Variants in DNAH7 observed in about 807,000 individuals in gnomAD.
DNAH7 encodes dynein axonemal heavy chain 7.
A neutral mutation model predicts 444.6 loss-of-function variants in DNAH7; 397 were observed. The ratio of observed to expected loss-of-function variants is 0.89; its 90% CI spans 0.82 to 0.97. DNAH7 has a LOEUF of 0.97. Ranked by LOEUF, DNAH7 falls within the 50% of genes least tolerant of loss-of-function variation. DNAH7 has a pLI of 0.00. For missense variants in DNAH7, 4,902 were observed against 4,800.8 expected (o/e 1.02, Z -0.62); for synonymous variants, 1,636 against 1,624.4 (o/e 1.01, Z -0.17).
At chr2:195,832,994 G>A (rs1471506981) in intron 48 of DNAH7, among the ~76,000 whole-genome samples, 2 of 152,228 alleles carry the variant, frequency 1.3e-5, no homozygotes, top group Admixed American at 1.3e-4. Flanking sequence ...TCTCAGGAAG[G>A]TCACTGAAGC....
At chr2:195,801,511 T>G (rs1696455117) in intron 54 of DNAH7, among the ~76,000 whole-genome samples, 1 of 152,142 alleles carries the variant, frequency 6.6e-6, no homozygotes, top group East Asian at 1.9e-4. Context: ...AAAGATTTTT[T>G]GAAGGCCCCA....
chr2:195,872,600 A>G, intron 39 of DNAH7, 131 bp from the exon 40 acceptor site: 2 of 486,396 alleles, frequency 4.1e-6, no homozygotes, highest in Non-Finnish European at 3.5e-6. Flanking sequence ...TAAAATTACC[A>G]TATCTTATTA....
rs1465305630 is a variant in DNAH7, at chr2:195,886,157, G to A, written c.5522C>T (p.Thr1841Ile). The A allele has an allele frequency of 2.5e-6, 4 of 1,613,196 alleles. No individual in the cohort carries two copies. Among genetic ancestry groups the A allele is most frequent in the African/African-American group, 1.3e-5 (1 of 74,862 alleles). The change falls in exon 34 of 65, where the codon ACT becomes ATT. Residue 1841 changes from threonine (T) to isoleucine (I), a missense_variant. Transcript: ENST00000312428. ...VKLKERNDRETYSLLEGIFLF... is the reference protein window; with the variant it reads ...VKLKERNDREIYSLLEGIFLF... ...GGACCTTACCTCAAGCAAAGAGTAA[G>A]TTTCTCGATCATTTCTCTCCTTTAG...
At chr2:195,845,691 C>A (rs1698945781) in intron 46 of DNAH7, among the ~76,000 whole-genome samples, 1 of 152,120 alleles carries the variant, frequency 6.6e-6, no homozygotes, top group Non-Finnish European at 1.5e-5. Context: ...ATAGAGAGCA[C>A]AGAAATAAAG....
At chr2:195,956,416 C>T (rs941188978) in intron 19 of DNAH7, among the ~76,000 whole-genome samples, 1 of 152,000 alleles carries the variant, frequency 6.6e-6, no homozygotes, top group Non-Finnish European at 1.5e-5. Context: ...TTTGGGAGGC[C>T]GAGGCGGGTG....
intron 31 of DNAH7, 67 bp from the exon 32 acceptor site, chr2:195,889,048 A>C: frequency 7.0e-7 from 1 of 1,423,596 alleles, no homozygotes; most frequent in Non-Finnish European, 9.6e-7. Flanking sequence ...ACAGTTCAAT[A>C]ATATTATTTC....
intron 10 of DNAH7, among the ~76,000 whole-genome samples, chr2:196,004,225 G>T (rs377224412): frequency 6.6e-6 from 1 of 152,134 alleles, no homozygotes; most frequent in Non-Finnish European, 1.5e-5. Flanking sequence ...TACAGGCTAG[G>T]CTTGAAAAAG....
At chr2:195,994,292 A>G in intron 12 of DNAH7, 1 of 438,764 alleles carries the variant, frequency 2.3e-6, no homozygotes, top group East Asian at 5.7e-5. Context: ...TTTCCAAATC[A>G]TCAGCATCAA....
At chr2:196,021,123 G>A (rs191121509) in intron 8 of DNAH7, among the ~76,000 whole-genome samples, 163 of 152,006 alleles carry the variant, frequency 1.1e-3, no homozygotes, top group African/African-American at 3.9e-3. Context: ...ATTCTGTAAT[G>A]TTCCCAATGT....
chr2:196,066,607 C>A (rs1157496633), intron 1 of DNAH7, among the ~76,000 whole-genome samples: 7 of 152,138 alleles, frequency 4.6e-5, no homozygotes, highest in South Asian at 2.1e-4. Context: ...AAAGTTTTAA[C>A]TCATTTTAAA....
intron 2 of DNAH7, among the ~76,000 whole-genome samples, chr2:196,057,174 CT>C (rs1192596414): frequency 6.6e-6 from 1 of 151,930 alleles, no homozygotes; most frequent in African/African-American, 2.4e-5. Context: ...AATCTAATTT[CT>C]TTTAAAAGAC....
intron 22 of DNAH7, 127 bp from the exon 23 acceptor site, chr2:195,923,934 T>A: frequency 6.6e-6 from 6 of 910,138 alleles, no homozygotes; most frequent in Non-Finnish European, 9.9e-6. Flanking sequence ...TGTAATACAA[T>A]TTAAAAATAA....
chr2:195,778,635 A>AAAAAAAAAAT (rs1695199824), intron 58 of DNAH7, among the ~76,000 whole-genome samples: 4 of 47,724 alleles, frequency 8.4e-5, no homozygotes, highest in African/African-American at 2.8e-4. Flanking sequence ...AAAAAAAATA[A>AAAAAAAAAAT]ATAAATAAAT....
In DNAH7 at chr2:195,864,246, T is replaced by G; in HGVS notation, c.7409A>C (p.His2470Pro). The G allele has an allele frequency of 6.2e-7, 1 of 1,614,188 alleles. No individual in the cohort carries two copies. Among genetic ancestry groups the G allele is most frequent in the Non-Finnish European group, 8.5e-7 (1 of 1,180,006 alleles). ...MFIDHCRSQL[H>P]VVLAMSPIGD... ...AATGGGACTCATGGCAAGGACCACATGCAGTTGGCTGCGGCAATGATCAAT... is the reference window on the plus strand; with the variant it reads ...AATGGGACTCATGGCAAGGACCACAGGCAGTTGGCTGCGGCAATGATCAAT... The change falls in exon 41 of 65, where the codon CAT becomes CCT. Residue 2470 changes from histidine (H) to proline (P), a missense_variant. Transcript: ENST00000312428.
At chr2:195,775,198 C>T (rs942917518) in intron 60 of DNAH7, among the ~76,000 whole-genome samples, 2 of 152,200 alleles carry the variant, frequency 1.3e-5, no homozygotes, top group Non-Finnish European at 2.9e-5. Context: ...CCTGTGCTCA[C>T]GGCAGCTAAA....
chr2:195,832,565 C>T (rs1355537334), intron 48 of DNAH7, among the ~76,000 whole-genome samples: 2 of 151,878 alleles, frequency 1.3e-5, no homozygotes, highest in Admixed American at 6.6e-5. Context: ...ACCTCAGCCT[C>T]CTGAGTAGCT....
intron 5 of DNAH7, among the ~76,000 whole-genome samples, chr2:196,030,260 C>T (rs1366970586): frequency 6.6e-6 from 1 of 152,146 alleles, no homozygotes; most frequent in Non-Finnish European, 1.5e-5. Context: ...ACCATCAGAT[C>T]CCATGAGACT....
At chr2:195,989,780 C>T (rs1348977358) in intron 12 of DNAH7, among the ~76,000 whole-genome samples, 1 of 152,124 alleles carries the variant, frequency 6.6e-6, no homozygotes, top group Non-Finnish European at 1.5e-5. Context: ...TAACTCCCCA[C>T]TCCAGTCTCT....
At chr2:195,822,449 C>CA in intron 49 of DNAH7, among the ~76,000 whole-genome samples, 1 of 152,210 alleles carries the variant, frequency 6.6e-6, no homozygotes, top group Admixed American at 6.5e-5. Flanking sequence ...CATTTAGACT[C>CA]AAAAGGATTA....
Sources: allele counts gnomAD v4.1 joint callset (sites outside exome capture counted in the v4.1 genomes callset), GRCh38; gene constraint gnomAD v4.1.1; transcripts MANE v1.5; gene names NCBI Gene and HGNC (gene_info 2026-07-23, HGNC 2026-07-21).